The following SMARCA1 variants were observed in gnomAD, a reference collection of about 807,000 sequenced individuals.
SMARCA1 encodes SNF2 related chromatin remodeling ATPase 1, also known as SWI/SNF-related matrix-associated actin-dependent regulator of chromatin subfamily A member 1.
In SMARCA1, 17 loss-of-function variants were observed where a neutral mutation model predicts 93.6. That is an observed-to-expected ratio of 0.18 (90% CI 0.12 to 0.27). The LOEUF is 0.27. Among genes scored for constraint, SMARCA1 ranks in the 10% least tolerant of loss-of-function variants. SMARCA1 has a pLI of 1.00. For missense variants in SMARCA1, 630 were observed against 819.0 expected (o/e 0.77, Z 2.82); for synonymous variants, 271 against 271.4 (o/e 1.00, Z 0.01).
chrX:129,486,726 C>G (rs1933903020), intron 17 of SMARCA1, among the ~76,000 whole-genome samples: 1 of 110,696 alleles, frequency 9.0e-6, no homozygotes, highest in African/African-American at 3.3e-5. Context: ...GGAATTCAAC[C>G]TCAATCCTAC....
intron 9 of SMARCA1, among the ~76,000 whole-genome samples, chrX:129,504,439 G>A (rs1025003124): frequency 2.8e-5 from 3 of 107,570 alleles, no homozygotes; most frequent in African/African-American, 1.0e-4. Context: ...CTGAGGAACT[G>A]TGGGGTGTGG....
At chrX:129,481,500 G>A (rs750446088) in intron 17 of SMARCA1, among the ~76,000 whole-genome samples, 9 of 111,841 alleles carry the variant, frequency 8.0e-5, no homozygotes, top group South Asian at 3.8e-4. Context: ...TAATATAGAC[G>A]GAAGAGTAAC....
rs781475314 is a variant in SMARCA1, at chrX:129,466,695, C to A, written c.2699-733G>T. Reference sequence around the variant, plus strand: ...AACAAAAAACCCAAGCTATTATGAACAGGTTGTTCAAATTTTTTTCTATGG... The same window carrying A: ...AACAAAAAACCCAAGCTATTATGAAAAGGTTGTTCAAATTTTTTTCTATGG... On this transcript the variant is annotated intron_variant, in intron 21 of 24. Coordinates refer to ENST00000371121, the MANE Select transcript of SMARCA1 (RefSeq NM_001282874.2). Among the ~76,000 whole-genome samples, 4 of 110,867 alleles carry A rather than the reference C, an allele frequency of 3.6e-5. No homozygotes were observed. The East Asian group carries it at 1.1e-3, about 31-fold the overall frequency.
At chrX:129,479,633 A>G (rs979913029) in intron 19 of SMARCA1, among the ~76,000 whole-genome samples, 3 of 110,255 alleles carry the variant, frequency 2.7e-5, no homozygotes, top group African/African-American at 3.3e-5. Flanking sequence ...AGAACACTTC[A>G]TAAAATTAAA....
At position 129,523,292 on chromosome X, in the gene SMARCA1, C is replaced by G. The variant is rs747488090; in HGVS notation, c.79G>C (p.Glu27Gln). 1 of 1,208,990 alleles carries G rather than the reference C, an allele frequency of 8.3e-7. No individual in the cohort carries two copies. The highest frequency in any genetic ancestry group is 1.1e-6 in the Non-Finnish European group (1 of 894,795). The change falls in exon 1 of 25, where the codon GAG (glutamate) becomes CAG (glutamine). Residue 27 changes from glutamate (E) to glutamine (Q), a missense_variant. Coordinates refer to ENST00000371121, the MANE Select transcript of SMARCA1 (RefSeq NM_001282874.2). Reference protein sequence around the residue: ...ATATIVVIEDEQPGPSTSQEE... With the variant: ...ATATIVVIEDQQPGPSTSQEE... ...TGAGAGGTGGACGGCCCGGGCTGCT[C>G]GTCCTCTATGACCACGATAGTGGCG... is the stretch of plus-strand genomic sequence containing the variant.
Position 129,499,895 on chromosome X carries a change from A to G in SMARCA1, c.1168-54T>C, listed in dbSNP as rs776455741. ...TATGAAACATTTAATATGATTAATAATGTATTTCATTAACAACATTAATGT... is the reference window on the plus strand; with the variant it reads ...TATGAAACATTTAATATGATTAATAGTGTATTTCATTAACAACATTAATGT... On this transcript the variant is annotated intron_variant, in intron 9 of 24. Coordinates refer to ENST00000371121, the MANE Select transcript of SMARCA1 (RefSeq NM_001282874.2). The G allele has an allele frequency of 3.3e-5, 19 of 567,822 alleles. No homozygotes were observed. The South Asian group carries it at 4.4e-4, about 13-fold the overall frequency. 46.8% of individuals were successfully genotyped at this position (567,822 alleles called of 1,213,427 possible).
At chrX:129,520,616 A>G (rs1366198252) in intron 1 of SMARCA1, among the ~76,000 whole-genome samples, 1 of 110,321 alleles carries the variant, frequency 9.1e-6, no homozygotes, top group Admixed American at 9.6e-5. Flanking sequence ...GCACTCTACA[A>G]GAAGACACGG....
chrX:129,448,371 T>G lies in SMARCA1; in HGVS notation c.3103A>C (p.Arg1035=). Residue 1035 remains arginine (R), a synonymous_variant, in exon 24 of 25, where the codon AGA becomes CGA. Transcript: ENST00000371121. ...GTTGCCCGTTTCTTCTTTTCTGCTCTCTCTCTTTCCTCAATTTCCATATTT... is the reference window on the plus strand; with the variant it reads ...GTTGCCCGTTTCTTCTTTTCTGCTCGCTCTCTTTCCTCAATTTCCATATTT... ...KENMEIEERE[R]AEKKKRATKT... The G allele has an allele frequency of 8.3e-7, 1 of 1,198,699 alleles. No homozygotes were observed. Among genetic ancestry groups the G allele is most frequent in the Non-Finnish European group, 1.1e-6 (1 of 883,942 alleles).
rs761107578 is a variant in SMARCA1 at position 129,491,923 on chromosome X, C to T, written c.1815+18G>A. ...TCAGAGCTATGATAAATTTCTGACA[C>T]CATTAAAGATTACTAACCATAGCTT... On this transcript the variant is annotated intron_variant, in intron 14 of 24. Coordinates refer to ENST00000371121, the MANE Select transcript of SMARCA1 (RefSeq NM_001282874.2). The T allele has an allele frequency of 1.7e-6, 2 of 1,149,531 alleles. No homozygotes were observed. Among genetic ancestry groups the T allele is most frequent in the African/African-American group, 3.5e-5 (2 of 56,674 alleles). The allele number at this position is 1,149,531 out of a possible 1,213,427, so 94.7% of individuals were successfully genotyped here. A position where few individuals can be genotyped will look rare whatever the true frequency, so the allele number is the denominator to read the frequency against.
chrX:129,473,431 G>A (rs779352051), intron 19 of SMARCA1, among the ~76,000 whole-genome samples: 8 of 111,938 alleles, frequency 7.1e-5, no homozygotes, highest in Non-Finnish European at 1.1e-4. Flanking sequence ...TAAAATTACA[G>A]GCATACCAGC....
chrX:129,452,039 C>T (rs1228612029), intron 23 of SMARCA1, among the ~76,000 whole-genome samples: 1 of 111,731 alleles, frequency 9.0e-6, no homozygotes, highest in Non-Finnish European at 1.9e-5. Flanking sequence ...GACTGCCTAA[C>T]GCAACATAAG....
chrX:129,490,606 G>A (rs1160988025), intron 14 of SMARCA1, among the ~76,000 whole-genome samples: 8 of 111,916 alleles, frequency 7.1e-5, no homozygotes, highest in Non-Finnish European at 1.3e-4. Flanking sequence ...TGAGGGATAT[G>A]CAGTAAAGAG....
chrX:129,464,829 T>TA (rs1932869296), intron 23 of SMARCA1, among the ~76,000 whole-genome samples: 1 of 111,485 alleles, frequency 9.0e-6, no homozygotes, highest in Non-Finnish European at 1.9e-5. Context: ...TGGGATGCAA[T>TA]AAAAAATACA....
chrX:129,466,236 A>G (rs1053192891), intron 21 of SMARCA1, among the ~76,000 whole-genome samples: 1 of 111,925 alleles, frequency 8.9e-6, no homozygotes, highest in African/African-American at 3.2e-5. Context: ...TAGGATTTCA[A>G]AAGATGATGC....
chrX:129,467,623 G>A (rs965471424), intron 21 of SMARCA1, among the ~76,000 whole-genome samples: 2 of 107,772 alleles, frequency 1.9e-5, no homozygotes, highest in Admixed American at 2.1e-4. Flanking sequence ...GACCTCTGAA[G>A]TCCCCCAGAA....
Position 129,448,370 on chromosome X carries a change from C to T in SMARCA1, c.3104G>A (p.Arg1035Lys), listed in dbSNP as rs370073649. ...AGTTGCCCGTTTCTTCTTTTCTGCT[C>T]TCTCTCTTTCCTCAATTTCCATATT... ...KENMEIEERE[R>K]AEKKKRATKT... The change falls in exon 24 of 25, where the codon AGA becomes AAA. Residue 1035 changes from arginine to lysine, a missense_variant. By Grantham distance (26) the Arg-to-Lys change is conservative. Coordinates refer to ENST00000371121, the MANE Select transcript of SMARCA1 (RefSeq NM_001282874.2). 6.2e-5 allele frequency: 74 copies of T among 1,195,805 alleles called. No homozygotes were observed. Among genetic ancestry groups the T allele is most frequent in the Non-Finnish European group, 8.3e-5 (73 of 882,849 alleles).
At chrX:129,520,138 CGT>C (rs374631579) in intron 1 of SMARCA1, among the ~76,000 whole-genome samples, 4,481 of 96,534 alleles carry the variant, frequency 0.046, 164 homozygotes, top group Admixed American at 0.16. Flanking sequence ...AACCTTCTCT[CGT>C]GTGTGTGTGT....
At chrX:129,456,717 A>G (rs1932644133) in intron 23 of SMARCA1, among the ~76,000 whole-genome samples, 1 of 111,968 alleles carries the variant, frequency 8.9e-6, no homozygotes, top group Admixed American at 9.5e-5. Flanking sequence ...AAATAGCAAG[A>G]GAACTAGAAT....
intron 19 of SMARCA1, among the ~76,000 whole-genome samples, chrX:129,473,373 T>C (rs1306177159): frequency 9.0e-6 from 1 of 111,699 alleles, no homozygotes; most frequent in Admixed American, 9.6e-5. Context: ...TGTAGCCCAG[T>C]CATAGCATGA....
Sources: gnomAD v4.1 joint callset for allele counts (sites outside exome capture counted in the v4.1 genomes callset) on GRCh38, gnomAD v4.1.1 for gene constraint, MANE v1.5 for transcripts, NCBI Gene and HGNC (gene_info 2026-07-23, HGNC 2026-07-21) for gene names.